NHLRC3: variants seen among roughly 807,000 people sequenced by gnomAD.
The protein encoded by NHLRC3 is NHL repeat-containing protein 3.
A neutral mutation model predicts 32.0 loss-of-function variants in NHLRC3; 23 were observed. The observed-to-expected ratio is 0.72, with a 90% CI of 0.52 to 1.02. NHLRC3 has a LOEUF of 1.02. Among genes scored for constraint, NHLRC3 ranks in the 50% least tolerant of loss-of-function variants. The pLI, the probability that NHLRC3 is intolerant of heterozygous loss-of-function variation, is 0.00. For synonymous variants in NHLRC3, 159 were observed against 147.9 expected (o/e 1.08, Z -0.55); for missense variants, 407 against 406.8 (o/e 1.00, Z -0.01).
At position 39,048,664 on chromosome 13, in the gene NHLRC3, T is replaced by G. The variant is rs1279580129; in HGVS notation, c.*738T>G. 6.6e-6 allele frequency: 1 copy of G among 152,218 alleles called. No individual in the cohort carries two copies. Among genetic ancestry groups the G allele is most frequent in the African/African-American group, 2.4e-5 (1 of 41,454 alleles). The allele number at this position is 152,218 out of a possible 1,614,324, so 9.4% of individuals were successfully genotyped here. A position where few individuals can be genotyped will look rare whatever the true frequency, so the allele number is the denominator to read the frequency against. The stretch of plus-strand genomic sequence containing the variant: ...AAGGTATAAAAAGTTAGAAGTGTAC[T>G]GTAAACTTTGATAGGCTTTTAGGCC... On this transcript the variant is annotated 3_prime_UTR_variant, in exon 7 of 7. Transcript: ENST00000379600.
At chr13:39,046,305 C>A (rs185495655) in intron 5 of NHLRC3, among the ~76,000 whole-genome samples, 9 of 152,176 alleles carry the variant, frequency 5.9e-5, no homozygotes, top group Middle Eastern at 3.4e-3. Context: ...GGTGACAGAG[C>A]GAGACTCCAT....
rs372975865 is a variant in NHLRC3 at position 39,038,630 on chromosome 13, C to T, written c.-10C>T. Reference sequence around the variant, plus strand: ...TGCGGACCCTCCCTCTCCTGGCTTCCCGTCTGGTCATGGCGAGATTCTGGG... The same window carrying T: ...TGCGGACCCTCCCTCTCCTGGCTTCTCGTCTGGTCATGGCGAGATTCTGGG... On this transcript the variant is annotated 5_prime_UTR_variant, in exon 1 of 7. Transcript: ENST00000379600. The T allele has an allele frequency of 3.3e-5, 53 of 1,613,938 alleles. No homozygotes were observed. In the African/African-American group the frequency reaches 5.6e-4, roughly 17 times the overall value.
intron 1 of NHLRC3, 173 bp from the exon 2 acceptor site, chr13:39,038,963 G>A (rs781193858): frequency 1.6e-6 from 1 of 636,928 alleles, no homozygotes; most frequent in Non-Finnish European, 2.8e-6. Context: ...CTTGTATTGT[G>A]GTCGTGTTGG....
chr13:39,047,914 A>G lies in NHLRC3; in HGVS notation c.1032A>G (p.Ser344=), dbSNP rs367833189. 1.9e-6 allele frequency: 3 copies of G among 1,603,362 alleles called. No homozygotes were observed. Among genetic ancestry groups the G allele is most frequent in the Non-Finnish European group, 2.6e-6 (3 of 1,171,414 alleles). ...KYVPLNSYVP[S]FGS ...TCCCTTTGAATAGCTATGTTCCTTCATTTGGTTCATAATGTTTCTTTCCTG... is the reference window on the plus strand; with the variant it reads ...TCCCTTTGAATAGCTATGTTCCTTCGTTTGGTTCATAATGTTTCTTTCCTG... Residue 344 remains serine (S), a synonymous_variant, in exon 7 of 7, where the codon TCA becomes TCG. Transcript: ENST00000379600.
At position 39,047,612 on chromosome 13, in the gene NHLRC3, G is replaced by GA. The variant is rs56227049; in HGVS notation, c.792-54dup. Reference sequence around the variant, plus strand: ...TGGCACAGTAGGGGATTAAAATGTTGAAAAAAAATACCCTTATGTTTTTTC... The same window carrying GA: ...TGGCACAGTAGGGGATTAAAATGTTGAAAAAAAAATACCCTTATGTTTTTTC... On this transcript the variant is annotated intron_variant, in intron 6 of 6. Coordinates refer to ENST00000379600, the MANE Select transcript of NHLRC3 (RefSeq NM_001012754.4). The GA allele has an allele frequency of 8.7e-4, 1,257 of 1,438,712 alleles. 14 individuals carry two copies. The African/African-American group carries it at 0.015, about 17-fold the overall frequency. The allele number at this position is 1,438,712 out of a possible 1,614,324, so 89.1% of individuals were successfully genotyped here.
intron 1 of NHLRC3, 116 bp downstream of exon 1, chr13:39,038,839 A>G: frequency 1.1e-6 from 1 of 895,008 alleles, no homozygotes; most frequent in Non-Finnish European, 1.9e-6. Context: ...GCTTGTCTCA[A>G]AGCCTGCACC....
rs974296429 is a variant in NHLRC3 at position 39,039,147 on chromosome 13, C to T, written c.96C>T (p.Asn32=). The change falls in exon 2 of 7, where the codon AAC becomes AAT. Residue 32 remains asparagine (N), a synonymous_variant. Transcript: ENST00000379600. ...SRFCGSPVLR[N]FTFAVSWRTE... ...TGATTTTGTTTAAGGTTTTGAGGAA[C>T]TTTACTTTTGCAGTTTCCTGGAGAA... 2 of 1,473,144 alleles carry T rather than the reference C, an allele frequency of 1.4e-6. No homozygotes were observed. Among genetic ancestry groups the T allele is most frequent in the Admixed American group, 1.9e-5 (1 of 53,682 alleles). 91.3% of individuals were successfully genotyped at this position (1,473,144 alleles called of 1,614,324 possible).
chr13:39,041,997 T>G, intron 3 of NHLRC3, 108 bp from the exon 4 acceptor site: 1 of 640,040 alleles, frequency 1.6e-6, no homozygotes, highest in South Asian at 1.9e-5. Flanking sequence ...GCCTATCACC[T>G]ATTTGTTATT....
chr13:39,047,262 G>T (rs1264065955), intron 6 of NHLRC3, 110 bp downstream of exon 6: 2 of 651,328 alleles, frequency 3.1e-6, no homozygotes, highest in Non-Finnish European at 5.2e-6. Flanking sequence ...TTTTGAATTA[G>T]GGGAAAATAG....
chr13:39,044,209 G>C, intron 5 of NHLRC3, 28 bp downstream of exon 5: 6 of 1,450,938 alleles, frequency 4.1e-6, no homozygotes, highest in Non-Finnish European at 5.8e-6. Context: ...TTGTGTCTGG[G>C]ACTTTGTGTC....
In NHLRC3 at chr13:39,047,667, T is replaced by C. The variant is rs1284954665; in HGVS notation, c.792-7T>C. 8.1e-6 allele frequency: 13 copies of C among 1,606,768 alleles called. No homozygotes were observed. Among genetic ancestry groups the C allele is most frequent in the Non-Finnish European group, 1.1e-5 (13 of 1,174,576 alleles). On this transcript the variant is annotated splice_polypyrimidine_tract_variant and splice_region_variant and intron_variant, in intron 6 of 6. Coordinates refer to ENST00000379600, the MANE Select transcript of NHLRC3 (RefSeq NM_001012754.4). ...ACATTTATTATGTTAAATGTCTTTC[T>C]CCTTAGGTTTACTCCTGATGGGAAG...
intron 3 of NHLRC3, chr13:39,040,879 G>A (rs1198472543): frequency 6.6e-6 from 1 of 152,098 alleles, no homozygotes; most frequent in South Asian, 2.1e-4. Flanking sequence ...TTCATGCTGT[G>A]TTTTACATAG....
intron 1 of NHLRC3, 154 bp downstream of exon 1, chr13:39,038,877 G>A (rs148280672): frequency 3.5e-5 from 25 of 714,876 alleles, no homozygotes; most frequent in Middle Eastern, 2.5e-4. Flanking sequence ...GACCCTTTGA[G>A]TTTAAAAATT....
At chr13:39,045,074 T>G (rs1396639374) in intron 5 of NHLRC3, among the ~76,000 whole-genome samples, 1 of 152,220 alleles carries the variant, frequency 6.6e-6, no homozygotes, top group Non-Finnish European at 1.5e-5. Context: ...CTTCATACCA[T>G]TAGGCATTTA....
In NHLRC3 at chr13:39,039,173, C is replaced by T. The variant is rs981594484; in HGVS notation, c.122C>T (p.Thr41Ile). ...RNFTFAVSWRTEKILYRLDVG... is the reference protein window; with the variant it reads ...RNFTFAVSWRIEKILYRLDVG... ...TTTACTTTTGCAGTTTCCTGGAGAA[C>T]TGAGAAAATTCTTTACCGGCTGGAT... The change falls in exon 2 of 7, where the codon ACT (threonine) becomes ATT (isoleucine). Residue 41 changes from threonine to isoleucine, a missense_variant. Physicochemically the swap from Thr to Ile is moderately conservative, Grantham distance 89. Transcript: ENST00000379600. 5.0e-6 allele frequency: 8 copies of T among 1,599,522 alleles called. No individual in the cohort carries two copies. Among genetic ancestry groups the T allele is most frequent in the Non-Finnish European group, 5.1e-6 (6 of 1,172,198 alleles).
intron 5 of NHLRC3, among the ~76,000 whole-genome samples, chr13:39,046,106 G>C (rs1566034387): frequency 6.6e-6 from 1 of 152,174 alleles, no homozygotes; most frequent in Non-Finnish European, 1.5e-5. Flanking sequence ...AAGGTGGGCA[G>C]ATCACGAGGT....
chr13:39,048,072 T>A lies in NHLRC3; in HGVS notation c.*146T>A. On this transcript the variant is annotated 3_prime_UTR_variant, in exon 7 of 7. Coordinates refer to ENST00000379600, the MANE Select transcript of NHLRC3 (RefSeq NM_001012754.4). ...ATTTGTTTTTGTATCATTAAGAATC[T>A]TATATTTTGTTGCCCTCTTGGGACT... 1.5e-6 allele frequency: 1 copy of A among 677,456 alleles called. No homozygotes were observed. The allele number at this position is 677,456 out of a possible 1,614,324, so 42.0% of individuals were successfully genotyped here. A position where few individuals can be genotyped will look rare whatever the true frequency, so the allele number is the denominator to read the frequency against.
Position 39,048,408 on chromosome 13 carries a change from A to T in NHLRC3, c.*482A>T, listed in dbSNP as rs1871772651. 2 of 152,926 alleles carry T rather than the reference A, an allele frequency of 1.3e-5. No homozygotes were observed. 9.5% of individuals were successfully genotyped at this position (152,926 alleles called of 1,614,324 possible). On this transcript the variant is annotated 3_prime_UTR_variant, in exon 7 of 7. Transcript: ENST00000379600. ...CTTGACGACTTAAAAATGAAAAAGCAGGATTGCCTTTTGAGTAGCTTGCAG... is the reference window on the plus strand; with the variant it reads ...CTTGACGACTTAAAAATGAAAAAGCTGGATTGCCTTTTGAGTAGCTTGCAG...
chr13:39,046,539 A>G (rs573716833), intron 5 of NHLRC3, among the ~76,000 whole-genome samples: 30 of 152,312 alleles, frequency 2.0e-4, no homozygotes, highest in African/African-American at 7.2e-4. Context: ...TACCTTGGTA[A>G]TAGCAGGTAT....
Sources: allele counts gnomAD v4.1 joint callset (sites outside exome capture counted in the v4.1 genomes callset), GRCh38; gene constraint gnomAD v4.1.1; transcripts MANE v1.5; gene names NCBI Gene and HGNC (gene_info 2026-07-23, HGNC 2026-07-21).